The following TBC1D30 variants were observed in gnomAD, a reference collection of about 807,000 sequenced individuals.
TBC1D30 encodes TBC1 domain family, member 30.
A neutral mutation model predicts 63.2 loss-of-function variants in TBC1D30; 31 were observed. That is an observed-to-expected ratio of 0.49 (90% confidence interval 0.37 to 0.66). TBC1D30 has a LOEUF of 0.66. TBC1D30 is among the 30% of genes least tolerant of loss of function. The pLI, the probability that TBC1D30 is intolerant of heterozygous loss-of-function variation, is 0.00. For missense variants in TBC1D30, 810 were observed against 953.6 expected, an observed-to-expected ratio of 0.85 and a Z score of 1.98; for synonymous variants, 307 against 361.5, an observed-to-expected ratio of 0.85 and a Z score of 1.71.
chr12:64,785,453 A>G (rs1871514160), intron 1 of TBC1D30, among the ~76,000 whole-genome samples: 1 of 43,426 alleles, frequency 2.3e-5, no homozygotes, highest in Admixed American at 3.5e-4. Context: ...TGGCCTTTAA[A>G]GACTTTTTTT....
At position 64,781,334 on chromosome 12, in the gene TBC1D30, T is replaced by A. The variant is rs896704034; in HGVS notation, c.478+48T>A. 7 of 1,054,106 alleles carry A rather than the reference T, an allele frequency of 6.6e-6. No individual in the cohort carries two copies. The African/African-American group carries it at 1.2e-4, about 18-fold the overall frequency. 65.3% of individuals were successfully genotyped at this position (1,054,106 alleles called of 1,614,324 possible). A position where few individuals can be genotyped will look rare whatever the true frequency, so the allele number is the denominator to read the frequency against. ...TCCCGGGGGCTTCCTGGAGCCGGGT[T>A]GTCCTCGCCGTCTCTGCCCGCGCTC... On this transcript the variant is annotated intron_variant, in intron 1 of 12. Transcript: ENST00000542120.
intron 2 of TBC1D30, among the ~76,000 whole-genome samples, chr12:64,818,278 T>A (rs947342137): frequency 1.3e-5 from 2 of 152,170 alleles, no homozygotes; most frequent in African/African-American, 4.8e-5. Flanking sequence ...CAGGTGAAAT[T>A]TAGTAGCTCA....
At chr12:64,842,220 G>T (rs1875943540) in intron 7 of TBC1D30, among the ~76,000 whole-genome samples, 1 of 152,206 alleles carries the variant, frequency 6.6e-6, no homozygotes, top group East Asian at 1.9e-4. Context: ...CCAGCAGGGT[G>T]TGGTGGTGGG....
upstream of TBC1D30, among the ~76,000 whole-genome samples, chr12:64,820,143 T>C (rs1873802993): frequency 6.6e-6 from 1 of 152,184 alleles, no homozygotes; most frequent in South Asian, 2.1e-4. Context: ...GCCCTTTTTA[T>C]TTTAAGACTT....
intron 10 of TBC1D30, 42 bp downstream of exon 10, chr12:64,866,945 G>T (rs935964942): frequency 3.9e-6 from 6 of 1,531,226 alleles, no homozygotes; most frequent in Non-Finnish European, 1.7e-6. Flanking sequence ...TGATGTATTG[G>T]TTTACTACAA....
chr12:64,762,118 A>C (rs1191596886), intron 1 of TBC1D30, among the ~76,000 whole-genome samples: 1 of 152,184 alleles, frequency 6.6e-6, no homozygotes, highest in African/African-American at 2.4e-5. Context: ...TGAAATCTGA[A>C]GTTTGAGTAG....
chr12:64,868,776 A>T (rs1022593869), intron 10 of TBC1D30: 17 of 170,878 alleles, frequency 9.9e-5, no homozygotes, highest in South Asian at 8.7e-4. Context: ...TCTACCTGAC[A>T]TCTCTTCAAA....
rs927696169 is a variant in TBC1D30 at position 64,792,144 on chromosome 12, G to T, written c.643+6099G>T. The stretch of plus-strand genomic sequence containing the variant: ...ATTATAGAATGTATCATAAACAAGA[G>T]AATGTAATACATATATGTATTTTTT... On this transcript the variant is annotated intron_variant, in intron 2 of 12. Coordinates refer to the TBC1D30 transcript ENST00000542120. 1.3e-5 allele frequency among the ~76,000 whole-genome samples: 2 copies of T among 152,146 alleles called. 1 individual carries two copies. Among genetic ancestry groups the T allele is most frequent in the South Asian group, 4.1e-4 (2 of 4,830 alleles).
intron 8 of TBC1D30, among the ~76,000 whole-genome samples, chr12:64,851,884 G>T (rs1371944388): frequency 6.6e-6 from 1 of 152,230 alleles, no homozygotes; most frequent in African/African-American, 2.4e-5. Flanking sequence ...TCTGCAGAGA[G>T]ATCCACTGTT....
intron 8 of TBC1D30, among the ~76,000 whole-genome samples, chr12:64,856,315 C>T (rs753409474): frequency 1.1e-4 from 16 of 152,220 alleles, no homozygotes; most frequent in African/African-American, 1.2e-4. Context: ...GGCCCCACCT[C>T]CAACATTGGA....
intron 2 of TBC1D30, among the ~76,000 whole-genome samples, chr12:64,799,163 G>C (rs775632213): frequency 1.3e-5 from 2 of 151,992 alleles, no homozygotes; most frequent in African/African-American, 4.8e-5. Flanking sequence ...CTGGAGAGCT[G>C]ATGGGATGGG....
In TBC1D30 at chr12:64,879,584, A is replaced by C. The variant is rs1199332762; in HGVS notation, c.*3796A>C. The C allele has an allele frequency of 6.6e-6, 1 of 151,964 alleles. No individual in the cohort carries two copies. Among genetic ancestry groups the C allele is most frequent in the East Asian group, 1.9e-4 (1 of 5,190 alleles). 9.4% of individuals were successfully genotyped at this position (151,964 alleles called of 1,614,324 possible). On this transcript the variant is annotated 3_prime_UTR_variant, in exon 12 of 12. Coordinates refer to ENST00000539867, the MANE Select transcript of TBC1D30 (RefSeq NM_015279.2). ...GTCTCTTTCCTTTTTTTTCCTTTCTATGACTTCTAGTGTGGAAGTGCCAAC... is the reference window on the plus strand; with the variant it reads ...GTCTCTTTCCTTTTTTTTCCTTTCTCTGACTTCTAGTGTGGAAGTGCCAAC...
intron 4 of TBC1D30, among the ~76,000 whole-genome samples, chr12:64,831,707 A>G (rs1014699874): frequency 3.3e-5 from 5 of 152,188 alleles, no homozygotes; most frequent in South Asian, 2.1e-4. Flanking sequence ...TTTGATAGCT[A>G]AATATTATAC....
Position 64,877,544 on chromosome 12 carries a change from C to T in TBC1D30, c.*1756C>T, listed in dbSNP as rs1378586635. 2.6e-5 allele frequency: 4 copies of T among 152,224 alleles called. No individual in the cohort carries two copies. In the East Asian group the frequency reaches 7.7e-4, roughly 29 times the overall value. 9.4% of individuals were successfully genotyped at this position (152,224 alleles called of 1,614,324 possible). ...AAGGAACTGAAGATGGAAAATATGA[C>T]TAATAAGTTATTGCAGTTTTGGTCT... On this transcript the variant is annotated 3_prime_UTR_variant, in exon 12 of 12. Coordinates refer to ENST00000539867, the MANE Select transcript of TBC1D30 (RefSeq NM_015279.2).
Position 64,790,820 on chromosome 12 carries a change from A to C in TBC1D30, c.643+4775A>C, listed in dbSNP as rs1248750450. 2.0e-5 allele frequency among the ~76,000 whole-genome samples: 3 copies of C among 152,318 alleles called. 1 individual carries two copies. In the South Asian group the frequency reaches 6.2e-4, roughly 32 times the overall value. On this transcript the variant is annotated intron_variant, in intron 2 of 12. Transcript: ENST00000542120. ...CCTTGTCCTCTGTGGCAGGAAAAAG[A>C]ATTTGTGTGGTCCTGAGTTTGGTGG...
chr12:64,863,843 A>G lies in TBC1D30; in HGVS notation c.1039-825A>G, dbSNP rs534804294. ...TTTTAAAATATTTTCCTAGGAAAGC[A>G]TTATCAGGCTATTTCTTTGGCTTCC... On this transcript the variant is annotated intron_variant, in intron 8 of 11. Coordinates refer to ENST00000539867, the MANE Select transcript of TBC1D30 (RefSeq NM_015279.2). 4.6e-5 allele frequency among the ~76,000 whole-genome samples: 7 copies of G among 152,358 alleles called. No homozygotes were observed. In the South Asian group the frequency reaches 1.0e-3, roughly 23 times the overall value.
chr12:64,826,633 C>T (rs1303665030), intron 1 of TBC1D30, among the ~76,000 whole-genome samples: 1 of 152,106 alleles, frequency 6.6e-6, no homozygotes, highest in Non-Finnish European at 1.5e-5. Flanking sequence ...TTTAAACCAC[C>T]TCAGAGAGAG....
At chr12:64,781,128 G>A in exon 1 of TBC1D30, 1 of 1,007,744 alleles carries the variant, frequency 9.9e-7, no homozygotes, top group Non-Finnish European at 1.2e-6. Context: ...GGGGCCGAGG[G>A]CCGCCGGCGG....
At chr12:64,766,937 C>T (rs1374834787) in intron 1 of TBC1D30, among the ~76,000 whole-genome samples, 1 of 151,962 alleles carries the variant, frequency 6.6e-6, no homozygotes, top group African/African-American at 2.4e-5. Flanking sequence ...CAACATACTC[C>T]TAAATAATCA....
Sources: allele counts gnomAD v4.1 joint callset (sites outside exome capture counted in the v4.1 genomes callset), GRCh38; gene constraint gnomAD v4.1.1; transcripts MANE v1.5; gene names NCBI Gene and HGNC (gene_info 2026-07-23, HGNC 2026-07-21).